KIAA1217: variants seen among roughly 807,000 people sequenced by gnomAD.
KIAA1217 encodes sickle tail protein homolog.
KIAA1217 carries 88 observed loss-of-function variants against 163.9 expected under a neutral mutation model. That is an observed-to-expected ratio of 0.54 (90% CI 0.45 to 0.64). KIAA1217 has a LOEUF of 0.64. Ranked by LOEUF, KIAA1217 falls within the 30% of genes least tolerant of loss-of-function variation. The pLI is 0.00. For missense variants in KIAA1217, 2,372 were observed against 2,475.0 expected, an observed-to-expected ratio of 0.96 and a Z score of 0.88; for synonymous variants, 903 against 923.1, an observed-to-expected ratio of 0.98 and a Z score of 0.39.
intron 1 of KIAA1217, among the ~76,000 whole-genome samples, chr10:23,745,649 A>G (rs1247482397): frequency 6.6e-6 from 1 of 152,170 alleles, no homozygotes; most frequent in Non-Finnish European, 1.5e-5. Context: ...TATTTTCTTT[A>G]CCAGCAAAGC....
At chr10:24,312,479 C>T (rs1276948325) in intron 2 of KIAA1217, among the ~76,000 whole-genome samples, 1 of 151,906 alleles carries the variant, frequency 6.6e-6, no homozygotes, top group Admixed American at 6.6e-5. Context: ...ATTAGCTGGG[C>T]GTGGTGGCGC....
chr10:23,941,544 G>C (rs1042041429), intron 1 of KIAA1217, among the ~76,000 whole-genome samples: 1 of 152,078 alleles, frequency 6.6e-6, no homozygotes, highest in East Asian at 1.9e-4. Flanking sequence ...AAATATGTTT[G>C]CATTCATACT....
intron 1 of KIAA1217, among the ~76,000 whole-genome samples, chr10:23,928,071 A>G (rs1843102772): frequency 6.6e-6 from 1 of 152,194 alleles, no homozygotes; most frequent in African/African-American, 2.4e-5. Flanking sequence ...AAAAGAAACA[A>G]TGGCTAAGCT....
At chr10:24,426,549 A>G (rs1019394587) in intron 3 of KIAA1217, among the ~76,000 whole-genome samples, 1 of 152,158 alleles carries the variant, frequency 6.6e-6, no homozygotes, top group Non-Finnish European at 1.5e-5. Flanking sequence ...ACTTGAACCC[A>G]GGAGGTGTGA....
At chr10:23,846,189 T>G (rs79389878) in intron 1 of KIAA1217, among the ~76,000 whole-genome samples, 5 of 152,134 alleles carry the variant, frequency 3.3e-5, no homozygotes, top group Non-Finnish European at 5.9e-5. Flanking sequence ...TTGTTCTTTT[T>G]GCTTAGGATT....
chr10:24,192,221 A>T (rs761750643), intron 2 of KIAA1217, among the ~76,000 whole-genome samples: 7 of 152,202 alleles, frequency 4.6e-5, no homozygotes, highest in Non-Finnish European at 5.9e-5. Flanking sequence ...AAGTGATCTA[A>T]TGGTAATGAA....
chr10:24,201,933 C>G (rs1364750203), intron 2 of KIAA1217, among the ~76,000 whole-genome samples: 1 of 152,124 alleles, frequency 6.6e-6, no homozygotes, highest in Non-Finnish European at 1.5e-5. Context: ...CACCCCTGAT[C>G]CTCCTATCCA....
At position 24,524,910 on chromosome 10, in the gene KIAA1217, C is replaced by A; in HGVS notation, c.2898+146C>A. The A allele has an allele frequency of 4.0e-6, 3 of 750,134 alleles. No individual in the cohort carries two copies. The South Asian group carries it at 6.0e-5, about 15-fold the overall frequency. 46.5% of individuals were successfully genotyped at this position (750,134 alleles called of 1,614,324 possible). On this transcript the variant is annotated intron_variant, in intron 13 of 20. Coordinates refer to ENST00000376454, the MANE Select transcript of KIAA1217 (RefSeq NM_019590.5). ...GGAAGTGGAAGTGGGATTCAGTGGCCAGGTTAAGAGATAGGTCATGTGGTT... is the reference window on the plus strand; with the variant it reads ...GGAAGTGGAAGTGGGATTCAGTGGCAAGGTTAAGAGATAGGTCATGTGGTT...
rs559358532 is a variant in KIAA1217 at position 24,259,403 on chromosome 10, A to T, written c.354+39494A>T. 5.3e-5 allele frequency among the ~76,000 whole-genome samples: 8 copies of T among 152,212 alleles called. No homozygotes were observed. The South Asian group carries it at 1.7e-3, about 32-fold the overall frequency. On this transcript the variant is annotated intron_variant, in intron 2 of 20. Coordinates refer to ENST00000376454, the MANE Select transcript of KIAA1217 (RefSeq NM_019590.5). The stretch of plus-strand genomic sequence containing the variant: ...TGAGACAGGAGGATTGCTTGCGGCC[A>T]GGAGTGCAAAACCAGCCTAGGCAAC...
At chr10:24,428,421 A>G (rs1053230225) in intron 3 of KIAA1217, among the ~76,000 whole-genome samples, 2 of 152,206 alleles carry the variant, frequency 1.3e-5, no homozygotes, top group Non-Finnish European at 2.9e-5. Context: ...GAGGGTCAAC[A>G]CAGGGATGAG....
At chr10:23,994,920 C>T (rs1377097249) in intron 1 of KIAA1217, among the ~76,000 whole-genome samples, 7 of 152,260 alleles carry the variant, frequency 4.6e-5, no homozygotes, top group Middle Eastern at 6.8e-3. Flanking sequence ...CTGTTTTTCA[C>T]TGGTTTCAAG....
At chr10:24,414,720 C>T (rs1403345756) in intron 3 of KIAA1217, among the ~76,000 whole-genome samples, 1 of 152,210 alleles carries the variant, frequency 6.6e-6, no homozygotes, top group Non-Finnish European at 1.5e-5. Flanking sequence ...ACTCGCCCCA[C>T]CCACCACTCT....
At chr10:23,946,267 T>TAAA (rs35262067) in intron 1 of KIAA1217, among the ~76,000 whole-genome samples, 8,430 of 115,624 alleles carry the variant, frequency 0.073, 709 homozygotes, top group African/African-American at 0.17. Context: ...CTCTTCCGTT[T>TAAA]AAAAAAAAAA....
intron 1 of KIAA1217, among the ~76,000 whole-genome samples, chr10:23,725,411 T>C (rs763908780): frequency 6.6e-5 from 10 of 152,208 alleles, no homozygotes; most frequent in Non-Finnish European, 1.3e-4. Flanking sequence ...GTTTAAGGAA[T>C]ACACAGAAAC....
intron 3 of KIAA1217, among the ~76,000 whole-genome samples, chr10:24,403,569 C>G (rs1005299408): frequency 9.1e-4 from 139 of 152,246 alleles, no homozygotes; most frequent in African/African-American, 3.3e-3. Context: ...GAAAGACAAG[C>G]TACAGACTGA....
At chr10:23,981,798 T>C (rs1290727261) in intron 1 of KIAA1217, among the ~76,000 whole-genome samples, 2 of 152,162 alleles carry the variant, frequency 1.3e-5, no homozygotes, top group Non-Finnish European at 2.9e-5. Flanking sequence ...TATTATTCAT[T>C]TCTTGGGTTT....
At chr10:24,027,658 T>C (rs1164308005) in intron 2 of KIAA1217, among the ~76,000 whole-genome samples, 1 of 152,062 alleles carries the variant, frequency 6.6e-6, no homozygotes, top group African/African-American at 2.4e-5. Context: ...AAAAATACCA[T>C]GTTAATAGAT....
intron 2 of KIAA1217, among the ~76,000 whole-genome samples, chr10:24,270,918 A>AT (rs2076714230): frequency 6.6e-6 from 1 of 152,088 alleles, no homozygotes. Flanking sequence ...ATACAGCAAT[A>AT]TTTTTTTGAT....
intron 2 of KIAA1217, among the ~76,000 whole-genome samples, chr10:24,322,518 A>G (rs911751561): frequency 6.6e-6 from 1 of 152,180 alleles, no homozygotes; most frequent in African/African-American, 2.4e-5. Flanking sequence ...TGGCTAAGGA[A>G]TTGTTTCAGT....
Sources: allele counts gnomAD v4.1 joint callset (sites outside exome capture counted in the v4.1 genomes callset), GRCh38; gene constraint gnomAD v4.1.1; transcripts MANE v1.5; gene names NCBI Gene and HGNC (gene_info 2026-07-23, HGNC 2026-07-21).